The following MCC variants were observed in gnomAD, a reference collection of about 807,000 sequenced individuals.
MCC encodes colorectal mutant cancer protein.
MCC carries 90 observed loss-of-function variants against 116.2 expected under a neutral mutation model. The observed-to-expected ratio is 0.77, with a 90% CI of 0.65 to 0.92. The LOEUF (loss-of-function observed/expected upper bound fraction) is 0.92. Ranked by LOEUF, MCC falls within the 40% of genes least tolerant of loss-of-function variation. MCC has a pLI of 0.00. For synonymous variants in MCC, 578 were observed against 510.5 expected, an observed-to-expected ratio of 1.13 and a Z score of -1.78; for missense variants, 1,516 against 1,312.2, an observed-to-expected ratio of 1.16 and a Z score of -2.40.
chr5:113,133,837 T>A (rs1267274141), intron 5 of MCC, among the ~76,000 whole-genome samples: 1 of 152,236 alleles, frequency 6.6e-6, no homozygotes, highest in Non-Finnish European at 1.5e-5. Context: ...GGAGAGAGAA[T>A]ATCTCATTGT....
At chr5:113,151,093 T>C (rs937163541) in intron 4 of MCC, among the ~76,000 whole-genome samples, 3 of 152,160 alleles carry the variant, frequency 2.0e-5, no homozygotes, top group Non-Finnish European at 4.4e-5. Context: ...GGTAGGCACC[T>C]TGGACTTCGT....
intron 3 of MCC, chr5:113,294,962 C>A: frequency 1.0e-6 from 1 of 985,546 alleles, no homozygotes; most frequent in Non-Finnish European, 1.2e-6. Flanking sequence ...TTGAACACAG[C>A]TGTCTAGCTG....
intron 8 of MCC, among the ~76,000 whole-genome samples, chr5:113,085,553 T>C (rs567860104): frequency 6.6e-6 from 1 of 152,264 alleles, no homozygotes; most frequent in Non-Finnish European, 1.5e-5. Flanking sequence ...AAAGTGATGA[T>C]ATTACTAGTT....
chr5:113,069,315 C>G (rs1259232332), intron 12 of MCC, among the ~76,000 whole-genome samples: 3 of 152,248 alleles, frequency 2.0e-5, no homozygotes, highest in Non-Finnish European at 2.9e-5. Context: ...AACATAGTCA[C>G]TCTTCTTTGT....
At chr5:113,298,426 C>A (rs757299232) in intron 3 of MCC, among the ~76,000 whole-genome samples, 1 of 152,116 alleles carries the variant, frequency 6.6e-6, no homozygotes, top group Admixed American at 6.5e-5. Flanking sequence ...AGAAAGAAGG[C>A]AGATAAATTA....
chr5:113,078,793 T>G (rs1239586970), intron 11 of MCC, among the ~76,000 whole-genome samples: 4 of 152,234 alleles, frequency 2.6e-5, no homozygotes, highest in African/African-American at 7.2e-5. Context: ...AACACAGTGT[T>G]GGAAGTTCTG....
At position 113,434,976 on chromosome 5, in the gene MCC, C is replaced by G; in HGVS notation, c.171-49764G>C. ...CCTGCTGTTCCTGCCTCCTAGAGGC[C>G]AAGACTCTGGAGTGGAACATTTGGC... On this transcript the variant is annotated intron_variant, in intron 1 of 18. Transcript: ENST00000408903. The surrounding 1 kb of genome is among the most constrained non-coding windows in gnomAD (Gnocchi z 4.2). The G allele has an allele frequency of 9.3e-7, 1 of 1,070,420 alleles. No homozygotes were observed. The highest frequency in any genetic ancestry group is 2.8e-5 in the Admixed American group (1 of 35,752). The allele number at this position is 1,070,420 out of a possible 1,614,324, so 66.3% of individuals were successfully genotyped here. A position where few individuals can be genotyped will look rare whatever the true frequency, so the allele number is the denominator to read the frequency against.
chr5:113,434,796 C>T lies in MCC; in HGVS notation c.171-49584G>A. The T allele has an allele frequency of 6.2e-7, 1 of 1,613,092 alleles. No homozygotes were observed. The highest frequency in any genetic ancestry group is 1.3e-5 in the African/African-American group (1 of 75,022). On this transcript the variant is annotated intron_variant, in intron 1 of 18. Coordinates refer to ENST00000408903, the MANE Select transcript of MCC (RefSeq NM_001085377.2). The surrounding 1 kb of genome is among the most constrained non-coding windows in gnomAD (Gnocchi z 4.2). ...ATAGGAGCCCTCTCCTAAATTTATC[C>T]CCAGGAGGTAGCCTCGTCGCTTGAG...
intron 12 of MCC, 94 bp downstream of exon 12, chr5:113,071,000 C>G: frequency 7.0e-7 from 1 of 1,428,552 alleles, no homozygotes; most frequent in Non-Finnish European, 9.5e-7. Flanking sequence ...GCCAGATATG[C>G]CTTCTAAAAG....
At chr5:113,228,217 A>C (rs917083999) in intron 3 of MCC, among the ~76,000 whole-genome samples, 1 of 152,188 alleles carries the variant, frequency 6.6e-6, no homozygotes, top group Non-Finnish European at 1.5e-5. Context: ...GTGTTGAGGC[A>C]TGGTTTCTAA....
At chr5:113,437,530 G>A (rs534496182) in intron 1 of MCC, among the ~76,000 whole-genome samples, 56 of 152,246 alleles carry the variant, frequency 3.7e-4, no homozygotes, top group Middle Eastern at 3.4e-3. Context: ...ATCCTAAACT[G>A]ACAGGATCAT....
At position 113,252,204 on chromosome 5, in the gene MCC, G is replaced by C. The variant is rs575986638; in HGVS notation, c.627+88315C>G. 3.3e-5 allele frequency among the ~76,000 whole-genome samples: 5 copies of C among 152,120 alleles called. No individual in the cohort carries two copies. In the East Asian group the frequency reaches 7.7e-4, roughly 24 times the overall value. On this transcript the variant is annotated intron_variant, in intron 3 of 18. Transcript: ENST00000408903. ...ATTCCCATCCCATTATCTTAGTGTA[G>C]AGCCTCCCCATTGCCTAGACCACAA...
At chr5:113,350,946 A>G (rs1026372127) in intron 2 of MCC, among the ~76,000 whole-genome samples, 1 of 152,180 alleles carries the variant, frequency 6.6e-6, no homozygotes, top group Non-Finnish European at 1.5e-5. Flanking sequence ...GCTCAACATC[A>G]TTGATTATCA....
intron 1 of MCC, among the ~76,000 whole-genome samples, chr5:113,402,306 A>C (rs903293075): frequency 1.4e-5 from 2 of 143,866 alleles, no homozygotes; most frequent in East Asian, 2.0e-4. Context: ...AAAAAAAAAA[A>C]AAAAACACAC....
chr5:113,166,197 A>C (rs1760757721), intron 3 of MCC, among the ~76,000 whole-genome samples: 2 of 152,236 alleles, frequency 1.3e-5, no homozygotes, highest in Admixed American at 6.5e-5. Flanking sequence ...GTGAGCAAAG[A>C]AACTATGAAA....
At chr5:113,068,801 T>A (rs1485254254) in intron 12 of MCC, among the ~76,000 whole-genome samples, 1 of 152,138 alleles carries the variant, frequency 6.6e-6, no homozygotes, top group Non-Finnish European at 1.5e-5. Context: ...TTAGAGCAGA[T>A]CCTCCAATCC....
chr5:113,329,610 T>G (rs1369111343), intron 3 of MCC, among the ~76,000 whole-genome samples: 1 of 152,226 alleles, frequency 6.6e-6, no homozygotes. Flanking sequence ...ATTATCTCTT[T>G]CAAAGAAACA....
At chr5:113,470,845 A>G (rs1009498780) in intron 1 of MCC, among the ~76,000 whole-genome samples, 2 of 152,130 alleles carry the variant, frequency 1.3e-5, no homozygotes, top group Non-Finnish European at 2.9e-5. Context: ...GTCTTTTCAC[A>G]TAGTCCCATA....
At chr5:113,089,913 G>A (rs1471410168) in intron 8 of MCC, among the ~76,000 whole-genome samples, 1 of 152,200 alleles carries the variant, frequency 6.6e-6, no homozygotes, top group Non-Finnish European at 1.5e-5. Flanking sequence ...GGAAAGAAAT[G>A]ACCAGAGCTG....
Sources: allele counts gnomAD v4.1 joint callset (sites outside exome capture counted in the v4.1 genomes callset), GRCh38; gene constraint gnomAD v4.1.1; non-coding constraint Gnocchi (gnomAD v3.1); transcripts MANE v1.5; gene names NCBI Gene and HGNC (gene_info 2026-07-23, HGNC 2026-07-21).